The following SEMA6D variants were observed in gnomAD, a reference collection of about 807,000 sequenced individuals.
The protein encoded by SEMA6D is semaphorin 6D.
SEMA6D carries 35 observed loss-of-function variants against 106.6 expected under a neutral mutation model. The observed-to-expected ratio is 0.33, with a 90% CI of 0.25 to 0.44. The LOEUF (loss-of-function observed/expected upper bound fraction) is 0.44. Among genes scored for constraint, SEMA6D ranks in the 20% least tolerant of loss-of-function variants. The pLI, the probability that SEMA6D is intolerant of heterozygous loss-of-function variation, is 1.00. For missense variants in SEMA6D, 1,185 were observed against 1,345.9 expected, an observed-to-expected ratio of 0.88 and a Z score of 1.87; for synonymous variants, 499 against 487.7, an observed-to-expected ratio of 1.02 and a Z score of -0.31.
chr15:47,209,095 G>A (rs1244913126), intron 1 of SEMA6D, among the ~76,000 whole-genome samples: 1 of 152,028 alleles, frequency 6.6e-6, no homozygotes, highest in Non-Finnish European at 1.5e-5. Context: ...CTAATAGGTA[G>A]GATAATCTCA....
intron 3 of SEMA6D, among the ~76,000 whole-genome samples, chr15:47,576,200 T>G (rs940734834): frequency 1.8e-4 from 28 of 152,342 alleles, no homozygotes; most frequent in African/African-American, 6.7e-4. Flanking sequence ...GAATTTATCT[T>G]TAAAATGCAG....
chr15:47,365,900 A>AG (rs750717337), intron 1 of SEMA6D, among the ~76,000 whole-genome samples: 1 of 51,140 alleles, frequency 2.0e-5, no homozygotes, highest in South Asian at 6.7e-4. Context: ...GGAGAGAGAG[A>AG]GAGAGAGAGA....
intron 1 of SEMA6D, among the ~76,000 whole-genome samples, chr15:47,233,580 T>A (rs889897252): frequency 3.3e-5 from 5 of 152,044 alleles, no homozygotes; most frequent in Non-Finnish European, 7.4e-5. Flanking sequence ...GTCTTTCCAT[T>A]AATTTATTTC....
At chr15:47,618,888 A>G (rs577841268) in intron 4 of SEMA6D, among the ~76,000 whole-genome samples, 20 of 152,252 alleles carry the variant, frequency 1.3e-4, no homozygotes, top group Non-Finnish European at 2.2e-4. Flanking sequence ...GATATGTGTG[A>G]TTAGGCTTTG....
chr15:47,489,904 G>A (rs1339453276), intron 3 of SEMA6D, among the ~76,000 whole-genome samples: 1 of 151,944 alleles, frequency 6.6e-6, no homozygotes, highest in Non-Finnish European at 1.5e-5. Flanking sequence ...TTCCTGCTTC[G>A]GCCTCCCAAA....
At chr15:47,736,710 G>A (rs1348018083) in intron 1 of SEMA6D, among the ~76,000 whole-genome samples, 1 of 152,142 alleles carries the variant, frequency 6.6e-6, no homozygotes, top group Non-Finnish European at 1.5e-5. Flanking sequence ...CCATTTCCCT[G>A]TGCATGTTTT....
chr15:47,256,873 A>G (rs750144443), intron 1 of SEMA6D, among the ~76,000 whole-genome samples: 44 of 152,120 alleles, frequency 2.9e-4, no homozygotes, highest in Non-Finnish European at 6.2e-4. Flanking sequence ...AATAAAAATA[A>G]AATAAAAAAT....
chr15:47,766,791 T>A, intron 16 of SEMA6D, 114 bp downstream of exon 16: 1 of 741,876 alleles, frequency 1.3e-6, no homozygotes, highest in Non-Finnish European at 2.2e-6. Context: ...ACCTAGCATT[T>A]AACTTAAACT....
intron 3 of SEMA6D, among the ~76,000 whole-genome samples, chr15:47,549,549 C>A (rs2045621181): frequency 6.6e-6 from 1 of 152,056 alleles, no homozygotes; most frequent in Admixed American, 6.6e-5. Context: ...TCACTTAATA[C>A]CATCTTATAT....
intron 3 of SEMA6D, among the ~76,000 whole-genome samples, chr15:47,571,385 C>T (rs2046377217): frequency 6.6e-6 from 1 of 152,212 alleles, no homozygotes; most frequent in East Asian, 1.9e-4. Flanking sequence ...CCATTGGCCT[C>T]AAGAATGCCA....
intron 1 of SEMA6D, among the ~76,000 whole-genome samples, chr15:47,380,965 T>A (rs1339254889): frequency 2.0e-5 from 3 of 152,080 alleles, no homozygotes; most frequent in Non-Finnish European, 4.4e-5. Flanking sequence ...TGATGATAAA[T>A]AAAATGCTAA....
At chr15:47,195,265 A>T (rs752340367) in intron 1 of SEMA6D, among the ~76,000 whole-genome samples, 1 of 152,262 alleles carries the variant, frequency 6.6e-6, no homozygotes, top group South Asian at 2.1e-4. Context: ...TCCAGTGACA[A>T]TGTGCTGTGT....
At chr15:47,631,351 T>G (rs2077289353) in intron 4 of SEMA6D, among the ~76,000 whole-genome samples, 1 of 151,822 alleles carries the variant, frequency 6.6e-6, no homozygotes, top group Non-Finnish European at 1.5e-5. Flanking sequence ...TTATTCTAAA[T>G]TGTAGAATTT....
intron 3 of SEMA6D, among the ~76,000 whole-genome samples, chr15:47,538,000 A>G (rs1009382846): frequency 6.6e-6 from 1 of 152,220 alleles, no homozygotes; most frequent in Non-Finnish European, 1.5e-5. Flanking sequence ...CTGTGGGCAC[A>G]GAACATGAGA....
At chr15:47,622,491 A>T (rs1326201330) in intron 4 of SEMA6D, among the ~76,000 whole-genome samples, 3 of 152,276 alleles carry the variant, frequency 2.0e-5, no homozygotes, top group Non-Finnish European at 4.4e-5. Flanking sequence ...GTTTGTCTTT[A>T]GCGTCCTTGA....
intron 1 of SEMA6D, among the ~76,000 whole-genome samples, chr15:47,749,032 GAAA>G (rs71118196): frequency 0.77 from 115,179 of 149,840 alleles, 47,472 homozygotes; most frequent in Non-Finnish European, 0.93. Context: ...AGAAGAACAT[GAAA>G]AAAAATAGCA....
chr15:47,314,849 C>CTTTTTTT (rs1173992222), intron 1 of SEMA6D, among the ~76,000 whole-genome samples: 4 of 83,918 alleles, frequency 4.8e-5, no homozygotes, highest in African/African-American at 1.6e-4. Flanking sequence ...TCTAGGTTTT[C>CTTTTTTT]TTTTTTTTTT....
At chr15:47,663,609 A>G (rs762695932) in intron 4 of SEMA6D, among the ~76,000 whole-genome samples, 2 of 152,228 alleles carry the variant, frequency 1.3e-5, no homozygotes, top group Non-Finnish European at 2.9e-5. Flanking sequence ...AGGGGAGTAT[A>G]GGGAATACAG....
chr15:47,720,297 T>C (rs375882162), intron 1 of SEMA6D, among the ~76,000 whole-genome samples: 1 of 144,356 alleles, frequency 6.9e-6, no homozygotes. Context: ...AACATTTCTG[T>C]GACTCAGGAG....
Sources: gnomAD v4.1 joint callset for allele counts (sites outside exome capture counted in the v4.1 genomes callset) on GRCh38, gnomAD v4.1.1 for gene constraint, MANE v1.5 for transcripts, NCBI Gene and HGNC (gene_info 2026-07-23, HGNC 2026-07-21) for gene names.